ZNF215: variants seen among roughly 807,000 people sequenced by gnomAD.
ZNF215 encodes BWSCR2-associated zinc finger protein 2.
In ZNF215, 24 loss-of-function variants were observed where a neutral mutation model predicts 27.2. The observed-to-expected ratio is 0.88, with a 90% confidence interval of 0.64 to 1.24. The LOEUF is 1.24. ZNF215 is among the 50% of genes most tolerant of loss of function. The probability of loss-of-function intolerance (pLI) is 0.00; values close to 1 mark genes in which losing one functional copy is unlikely to be tolerated. For missense variants in ZNF215, 675 were observed against 605.7 expected, an observed-to-expected ratio of 1.11 and a Z score of -1.20; for synonymous variants, 210 against 204.0, an observed-to-expected ratio of 1.03 and a Z score of -0.25.
chr11:6,981,350 C>T (rs1850948170), intron 5 of ZNF215, among the ~76,000 whole-genome samples: 1 of 151,522 alleles, frequency 6.6e-6, no homozygotes, highest in African/African-American at 2.4e-5. Context: ...TTGCATTTCT[C>T]TGATGGCCAG....
At chr11:6,949,440 T>C (rs1219523956) in intron 6 of ZNF215, among the ~76,000 whole-genome samples, 1 of 152,078 alleles carries the variant, frequency 6.6e-6, no homozygotes, top group Non-Finnish European at 1.5e-5. Flanking sequence ...TGATCGCCAT[T>C]CTAACTGGTG....
chr11:6,978,188 A>C (rs2133348486), intron 5 of ZNF215, among the ~76,000 whole-genome samples: 1 of 152,182 alleles, frequency 6.6e-6, no homozygotes. Flanking sequence ...AGAATGGATA[A>C]ATTTACAATG....
chr11:6,993,022 A>G (rs1254999794), downstream of ZNF215, among the ~76,000 whole-genome samples: 2 of 152,228 alleles, frequency 1.3e-5, no homozygotes, highest in Non-Finnish European at 2.9e-5. Flanking sequence ...CTTTTACGAT[A>G]TAGTCATGCT....
chr11:6,984,532 G>A (rs1044466328), exon 6 of ZNF215: 11 of 152,542 alleles, frequency 7.2e-5, no homozygotes, highest in East Asian at 1.9e-4. Flanking sequence ...TTGTCACAGC[G>A]TTGGTTGTAA....
At chr11:6,961,311 A>G (rs1850513574), downstream of ZNF215, among the ~76,000 whole-genome samples, 2 of 152,100 alleles carry the variant, frequency 1.3e-5, no homozygotes, top group African/African-American at 2.4e-5. Context: ...CCTGGAGCCA[A>G]TGACAAGTGG....
At chr11:6,939,111 G>T (rs1217291071) in intron 3 of ZNF215, among the ~76,000 whole-genome samples, 1 of 152,128 alleles carries the variant, frequency 6.6e-6, no homozygotes, top group Non-Finnish European at 1.5e-5. Flanking sequence ...TATACTCATG[G>T]CAGGATAGTT....
intron 6 of ZNF215, 121 bp downstream of exon 6, chr11:6,943,762 A>C: frequency 1.3e-6 from 1 of 778,248 alleles, no homozygotes; most frequent in Admixed American, 2.3e-5. Flanking sequence ...CTAAACTTTG[A>C]GGGGGAAAAG....
chr11:6,965,469 G>A (rs1009938316), intron 5 of ZNF215, among the ~76,000 whole-genome samples: 3 of 5,388 alleles, frequency 5.6e-4, no homozygotes, highest in Admixed American at 4.0e-3. Flanking sequence ...AATAAAAGAT[G>A]TTTCTAGAAC....
chr11:6,969,575 G>C (rs1850683115), intron 5 of ZNF215, among the ~76,000 whole-genome samples: 1 of 97,142 alleles, frequency 1.0e-5, no homozygotes, highest in African/African-American at 3.5e-5. Context: ...CATCAGTAAA[G>C]TGAAAATAGC....
Position 6,957,196 on chromosome 11 carries a change from T to G in ZNF215, c.*665T>G. ...GTTTATAGCAGGTCCTTGAAAAATG[T>G]TTTTGTTTTGTTATAATGTTATAAT... On this transcript the variant is annotated 3_prime_UTR_variant, in exon 7 of 7. Coordinates refer to ENST00000278319, the MANE Select transcript of ZNF215 (RefSeq NM_013250.4). The G allele has an allele frequency of 1.0e-6, 1 of 984,824 alleles. No individual in the cohort carries two copies. Among genetic ancestry groups the G allele is most frequent in the Non-Finnish European group, 1.2e-6 (1 of 829,380 alleles). The allele number at this position is 984,824 out of a possible 1,614,324, so 61.0% of individuals were successfully genotyped here.
At chr11:6,980,274 AAAT>A (rs553745082) in intron 5 of ZNF215, among the ~76,000 whole-genome samples, 51 of 152,146 alleles carry the variant, frequency 3.4e-4, no homozygotes, top group African/African-American at 1.1e-3. Flanking sequence ...ATAAAAATTA[AAAT>A]AATAAATGAA....
intron 3 of ZNF215, among the ~76,000 whole-genome samples, chr11:6,941,338 G>T (rs1849624716): frequency 6.6e-6 from 1 of 152,106 alleles, no homozygotes. Flanking sequence ...CCCTCTTTCT[G>T]ATTCAGTAGA....
downstream of ZNF215, among the ~76,000 whole-genome samples, chr11:6,993,398 T>A (rs1376989447): frequency 6.6e-6 from 1 of 152,194 alleles, no homozygotes; most frequent in Non-Finnish European, 1.5e-5. Context: ...TTTGAGCTGA[T>A]TCTTTTTGTA....
chr11:6,951,322 T>C (rs1850049508), intron 6 of ZNF215, among the ~76,000 whole-genome samples: 1 of 152,146 alleles, frequency 6.6e-6, no homozygotes, highest in Admixed American at 6.5e-5. Flanking sequence ...CAGTTCCTCC[T>C]TGTACCTCTG....
chr11:6,947,125 C>A (rs1849841700), intron 6 of ZNF215, among the ~76,000 whole-genome samples: 1 of 152,108 alleles, frequency 6.6e-6, no homozygotes, highest in Admixed American at 6.5e-5. Flanking sequence ...GTTCATTTTA[C>A]ACATGTTTTT....
Position 6,940,987 on chromosome 11 carries a change from T to A in ZNF215, c.401-584T>A, listed in dbSNP as rs961355074. On this transcript the variant is annotated intron_variant, in intron 3 of 6. Coordinates refer to ENST00000278319, the MANE Select transcript of ZNF215 (RefSeq NM_013250.4). ...GAGGATCACTGATGTAACTCATGAA[T>A]CTTCCAGAGTGGCCCTTGGATAAAT... 2.0e-5 allele frequency among the ~76,000 whole-genome samples: 3 copies of A among 152,296 alleles called. No individual in the cohort carries two copies. The East Asian group carries it at 5.8e-4, about 29-fold the overall frequency.
chr11:6,985,784 C>T (rs759189322), downstream of ZNF215, among the ~76,000 whole-genome samples: 7 of 152,098 alleles, frequency 4.6e-5, no homozygotes, highest in Non-Finnish European at 8.8e-5. Flanking sequence ...ATCCTATTTA[C>T]AGTAGCCTCA....
chr11:6,966,893 G>C (rs531998925), intron 5 of ZNF215, among the ~76,000 whole-genome samples: 144 of 151,942 alleles, frequency 9.5e-4, no homozygotes, highest in Non-Finnish European at 1.6e-3. Context: ...CACGTGCCAT[G>C]GTGGTTTGCT....
In ZNF215 at chr11:6,956,500, A is replaced by G. The variant is rs779643110; in HGVS notation, c.1523A>G (p.His508Arg). The G allele has an allele frequency of 4.4e-6, 7 of 1,601,932 alleles. No homozygotes were observed. The highest frequency in any genetic ancestry group is 1.8e-5 in the Admixed American group (1 of 56,998). The change falls in exon 7 of 7, where the codon CAT becomes CGT. Residue 508 changes from histidine to arginine, a missense_variant. Physicochemically the swap from His to Arg is conservative, Grantham distance 29 (BLOSUM62 0). Transcript: ENST00000278319. ...AACAGGAGTTCAAACCTTGTTAAAC[A>G]TCAAAAACTGCATACTCGAGATAAG... is the stretch of plus-strand genomic sequence containing the variant. ...AFNRSSNLVK[H>R]QKLHTRDKS
Sources: allele counts gnomAD v4.1 joint callset (sites outside exome capture counted in the v4.1 genomes callset), GRCh38; gene constraint gnomAD v4.1.1; transcripts MANE v1.5; gene names NCBI Gene and HGNC (gene_info 2026-07-23, HGNC 2026-07-21).